The following GET4 variants were observed in gnomAD, a reference collection of about 807,000 sequenced individuals.
GET4 encodes Golgi to ER traffic protein 4 homolog.
Under a neutral mutation model 40.0 loss-of-function variants are expected in GET4, and 20 were observed. The ratio of observed to expected loss-of-function variants is 0.50; its 90% CI spans 0.35 to 0.73. The LOEUF is 0.73. Among genes scored for constraint, GET4 ranks in the 30% least tolerant of loss-of-function variants. The probability of loss-of-function intolerance (pLI) is 0.01; values close to 1 mark genes in which losing one functional copy is unlikely to be tolerated. For synonymous variants in GET4, 280 were observed against 194.6 expected (o/e 1.44, Z -3.65); for missense variants, 557 against 454.0 (o/e 1.23, Z -2.06).
chr7:892,936 C>CA (rs1562897921), intron 6 of GET4, among the ~76,000 whole-genome samples: 1 of 148,604 alleles, frequency 6.7e-6, no homozygotes, highest in Non-Finnish European at 1.5e-5. Context: ...TGGGTATAGA[C>CA]GTGGCATGGG....
At chr7:890,604 G>A (rs1339359483) in intron 4 of GET4, among the ~76,000 whole-genome samples, 1 of 152,104 alleles carries the variant, frequency 6.6e-6, no homozygotes, top group African/African-American at 2.4e-5. Flanking sequence ...AGTTGCTTCT[G>A]GTAGGTGAGA....
intron 1 of GET4, 61 bp downstream of exon 1, chr7:876,861 C>G: frequency 1.1e-6 from 1 of 940,924 alleles, no homozygotes; most frequent in Non-Finnish European, 1.3e-6. Flanking sequence ...CCATTGGCCG[C>G]GCCGCCTCGC....
chr7:885,839 G>A (rs747302636), intron 1 of GET4: 6 of 573,670 alleles, frequency 1.0e-5, no homozygotes, highest in Non-Finnish European at 1.9e-5. Context: ...GACACAGATA[G>A]GCCCTTAGTG....
chr7:879,434 G>A (rs1844039309), intron 1 of GET4, among the ~76,000 whole-genome samples: 1 of 152,226 alleles, frequency 6.6e-6, no homozygotes, highest in Non-Finnish European at 1.5e-5. Context: ...GTCAATCTTA[G>A]CTGACCTGAA....
At chr7:878,871 G>T (rs1425738190) in intron 1 of GET4, among the ~76,000 whole-genome samples, 1 of 152,208 alleles carries the variant, frequency 6.6e-6, no homozygotes, top group Non-Finnish European at 1.5e-5. Context: ...GAGCCACGGC[G>T]CCCGGCCAGT....
chr7:886,049 G>T lies in GET4; in HGVS notation c.156-7G>T. 6.3e-7 allele frequency: 1 copy of T among 1,580,290 alleles called. No homozygotes were observed. Among genetic ancestry groups the T allele is most frequent in the Non-Finnish European group, 8.7e-7 (1 of 1,150,902 alleles). On this transcript the variant is annotated splice_polypyrimidine_tract_variant and splice_region_variant and intron_variant, in intron 1 of 8. Transcript: ENST00000265857. The stretch of plus-strand genomic sequence containing the variant: ...GGGCGTGGCTCACGGTCTCCTCTCT[G>T]TGGCAGGTACATGTCCCAGAGCAAG...
intron 4 of GET4, among the ~76,000 whole-genome samples, chr7:889,318 C>T (rs1349338944): frequency 2.0e-5 from 3 of 152,270 alleles, no homozygotes; most frequent in African/African-American, 7.2e-5. Context: ...CACGCACTGC[C>T]TCTGCAGTCC....
intron 2 of GET4, 60 bp downstream of exon 2, chr7:886,194 G>T: frequency 9.2e-7 from 1 of 1,085,348 alleles, no homozygotes. Context: ...GTGGAGGTGG[G>T]AATGACCTCC....
At position 878,259 on chromosome 7, in the gene GET4, T is replaced by A; in HGVS notation, c.155+1459T>A. The A allele has an allele frequency of 6.4e-6, 3 of 471,004 alleles. 1 individual carries two copies. The highest frequency in any genetic ancestry group is 4.6e-5 in the South Asian group (3 of 64,558). 29.2% of individuals were successfully genotyped at this position (471,004 alleles called of 1,614,324 possible). ...CAGGCTGCTGCGTGGCTTGGTTGAT[T>A]GTCTTCAGGACTGCTCTGTTCCAGT... On this transcript the variant is annotated intron_variant, in intron 1 of 8. Coordinates refer to ENST00000265857, the MANE Select transcript of GET4 (RefSeq NM_015949.3).
intron 8 of GET4, 79 bp downstream of exon 8, chr7:894,050 G>A (rs1410106185): frequency 1.4e-5 from 12 of 839,296 alleles, no homozygotes; most frequent in Non-Finnish European, 2.2e-5. Flanking sequence ...GGCAGGTCCA[G>A]TGCGGTCCTT....
chr7:886,919 A>C (rs1016596810), intron 3 of GET4: 1 of 546,642 alleles, frequency 1.8e-6, no homozygotes, highest in East Asian at 3.2e-5. Context: ...TCCGATGGAC[A>C]GTGGCCTCCC....
chr7:881,588 A>T (rs1322082430), intron 1 of GET4: 2 of 152,224 alleles, frequency 1.3e-5, no homozygotes, highest in Non-Finnish European at 2.9e-5. Flanking sequence ...TAAATTTACC[A>T]AAAGATACTG....
chr7:893,614 GGTGA>G (rs1844394012), intron 6 of GET4, 122 bp from the exon 7 acceptor site: 2 of 643,654 alleles, frequency 3.1e-6, no homozygotes, highest in Admixed American at 2.2e-5. Context: ...GGTGTGTGCA[GGTGA>G]GTGTTGGGCG....
At chr7:890,814 C>A in intron 4 of GET4, 114 bp from the exon 5 acceptor site, 1 of 828,638 alleles carries the variant, frequency 1.2e-6, no homozygotes, top group South Asian at 1.5e-5. Flanking sequence ...TCTGGCTGGG[C>A]TCTCCTCCAG....
intron 1 of GET4, among the ~76,000 whole-genome samples, chr7:879,345 G>A (rs1199168095): frequency 6.6e-6 from 1 of 152,260 alleles, no homozygotes; most frequent in Admixed American, 6.5e-5. Context: ...CCCCAGCCAC[G>A]GAGTGGATGC....
chr7:887,066 G>A (rs755172046), intron 3 of GET4: 29 of 603,390 alleles, frequency 4.8e-5, no homozygotes, highest in African/African-American at 7.2e-5. Flanking sequence ...GAGATGCCCC[G>A]GGCCAGAGCC....
chr7:892,289 TAAA>T lies in GET4; in HGVS notation c.621_623del (p.Lys207del). ...GTTCTCATTTCCAGGTTTCTCTGTT[TAAA>T]AAACAAAAGTAGCGCATCGGTGGTC... On this transcript the variant is annotated inframe_deletion, in exon 6 of 9. Coordinates refer to ENST00000265857, the MANE Select transcript of GET4 (RefSeq NM_015949.3). 1 of 1,588,044 alleles carries T rather than the reference TAAA, an allele frequency of 6.3e-7. No homozygotes were observed. Among genetic ancestry groups the T allele is most frequent in the Non-Finnish European group, 8.6e-7 (1 of 1,158,010 alleles).
At chr7:882,008 G>C (rs942524286) in intron 1 of GET4, 1 of 152,182 alleles carries the variant, frequency 6.6e-6, no homozygotes. Flanking sequence ...GCATGATCTT[G>C]TTCCTTTTTA....
intron 4 of GET4, among the ~76,000 whole-genome samples, chr7:889,723 G>C (rs1312635492): frequency 6.7e-5 from 9 of 134,116 alleles, no homozygotes; most frequent in Non-Finnish European, 1.2e-4. Context: ...GAGGGAGTGC[G>C]AGCGGGTGTT....
Sources: gnomAD v4.1 joint callset for allele counts (sites outside exome capture counted in the v4.1 genomes callset) on GRCh38, gnomAD v4.1.1 for gene constraint, MANE v1.5 for transcripts, NCBI Gene and HGNC (gene_info 2026-07-23, HGNC 2026-07-21) for gene names.